The following TMC2 variants were observed in gnomAD, a reference collection of about 807,000 sequenced individuals.
The protein encoded by TMC2 is transmembrane channel like 2, also known as transmembrane channel-like protein 2.
A neutral mutation model predicts 105.9 loss-of-function variants in TMC2; 102 were observed. The ratio of observed to expected loss-of-function variants is 0.96; its 90% CI spans 0.82 to 1.14. The LOEUF (loss-of-function observed/expected upper bound fraction) is 1.14, where lower values mean the gene tolerates loss of function less well. Ranked by LOEUF, TMC2 falls within the 50% of genes most tolerant of loss-of-function variation. The pLI is 0.00. For synonymous variants in TMC2, 402 were observed against 422.8 expected, an observed-to-expected ratio of 0.95 and a Z score of 0.60; for missense variants, 1,093 against 1,134.3, an observed-to-expected ratio of 0.96 and a Z score of 0.52.
chr20:2,619,503 C>T (rs2086509316), intron 16 of TMC2, among the ~76,000 whole-genome samples: 1 of 152,178 alleles, frequency 6.6e-6, no homozygotes, highest in Non-Finnish European at 1.5e-5. Flanking sequence ...TAAAGTCACT[C>T]ATGTCCCGCA....
intron 7 of TMC2, among the ~76,000 whole-genome samples, chr20:2,581,872 T>C (rs6115038): frequency 0.18 from 26,993 of 152,192 alleles, 2,733 homozygotes; most frequent in African/African-American, 0.28. Flanking sequence ...ACTTAGTGAT[T>C]GGTGCATTCC....
At chr20:2,598,009 G>A (rs1304011353) in intron 10 of TMC2, among the ~76,000 whole-genome samples, 3 of 152,102 alleles carry the variant, frequency 2.0e-5, no homozygotes, top group East Asian at 3.9e-4. Flanking sequence ...CTGGAGTAGG[G>A]TCCTGACATT....
chr20:2,593,656 T>C (rs1300431164), intron 8 of TMC2, among the ~76,000 whole-genome samples: 1 of 152,204 alleles, frequency 6.6e-6, no homozygotes, highest in Non-Finnish European at 1.5e-5. Context: ...ACCTTCACTT[T>C]GAATAACGTC....
intron 4 of TMC2, 68 bp downstream of exon 4, chr20:2,562,078 C>A (rs1292629057): frequency 6.5e-7 from 1 of 1,531,798 alleles, no homozygotes; most frequent in Non-Finnish European, 8.8e-7. Flanking sequence ...AATGGGAGCC[C>A]TCCCTCCACA....
chr20:2,610,756 C>A (rs898491266), intron 12 of TMC2, among the ~76,000 whole-genome samples, 158 bp downstream of exon 12: 2 of 151,698 alleles, frequency 1.3e-5, no homozygotes, highest in African/African-American at 2.4e-5. Flanking sequence ...CTCTATGACC[C>A]AAAGATGACC....
Position 2,602,205 on chromosome 20 carries a change from C to T in TMC2, c.1317C>T (p.Cys439=), listed in dbSNP as rs927420788. Residue 439 remains cysteine (C), a synonymous_variant, in exon 11 of 20, where the codon TGC becomes TGT. Coordinates refer to ENST00000358864, the MANE Select transcript of TMC2 (RefSeq NM_080751.3). ...TCCTGGCCAACTTTCTCATCATCTGCTGTTTGTGTGGAAGTGGGTACCTCA... is the reference window on the plus strand; with the variant it reads ...TCCTGGCCAACTTTCTCATCATCTGTTGTTTGTGTGGAAGTGGGTACCTCA... The part of the protein sequence containing the change: ...LRVLANFLII[C]CLCGSGYLIY... The T allele has an allele frequency of 3.1e-6, 5 of 1,613,438 alleles. No homozygotes were observed. The highest frequency in any genetic ancestry group is 2.7e-5 in the African/African-American group (2 of 74,882).
At chr20:2,587,845 A>G (rs979263205) in intron 7 of TMC2, among the ~76,000 whole-genome samples, 7 of 152,212 alleles carry the variant, frequency 4.6e-5, no homozygotes, top group East Asian at 3.8e-4. Context: ...GATCTCTTGA[A>G]TTTATACTTC....
intron 4 of TMC2, among the ~76,000 whole-genome samples, chr20:2,571,003 G>A (rs1382815692): frequency 6.6e-6 from 1 of 152,176 alleles, no homozygotes; most frequent in Non-Finnish European, 1.5e-5. Context: ...ATCAGCACAA[G>A]ATGGATTAAA....
At chr20:2,538,902 C>T (rs1328418417) in intron 2 of TMC2, among the ~76,000 whole-genome samples, 2 of 152,162 alleles carry the variant, frequency 1.3e-5, no homozygotes, top group Non-Finnish European at 2.9e-5. Context: ...CTCATCCTTC[C>T]CTTTATACTC....
At chr20:2,599,295 TA>T (rs11473820) in intron 10 of TMC2, among the ~76,000 whole-genome samples, 6,478 of 126,780 alleles carry the variant, frequency 0.051, 241 homozygotes, top group African/African-American at 0.11. Flanking sequence ...GGGATAATGT[TA>T]AAAAAAAAAA....
chr20:2,593,107 C>T (rs144160195), intron 8 of TMC2, among the ~76,000 whole-genome samples: 1,637 of 152,232 alleles, frequency 0.011, 45 homozygotes, highest in African/African-American at 0.037. Context: ...AAGAAACTTG[C>T]AATCACAGTG....
rs35949406 is a variant in TMC2, at chr20:2,616,092, CT to C, written c.1873-35del. 0.084 allele frequency: 119,209 copies of C among 1,426,022 alleles called. 5,498 individuals are homozygous for C. The highest frequency in any genetic ancestry group is 0.31 in the East Asian group (12,802 of 41,756). 88.3% of individuals were successfully genotyped at this position (1,426,022 alleles called of 1,614,324 possible). A position where few individuals can be genotyped will look rare whatever the true frequency, so the allele number is the denominator to read the frequency against. The stretch of plus-strand genomic sequence containing the variant: ...GGTTTGGCTGAATTCACCAAACGTG[CT>C]TTTTTTTTTCTCTCTCTCTCTCGCT... On this transcript the variant is annotated intron_variant, in intron 14 of 19. Transcript: ENST00000358864. The surrounding 1 kb of genome is among the most constrained non-coding windows in gnomAD (Gnocchi z 4.8).
intron 11 of TMC2, among the ~76,000 whole-genome samples, chr20:2,604,552 C>T (rs1335022758): frequency 6.6e-6 from 1 of 152,062 alleles, no homozygotes; most frequent in African/African-American, 2.4e-5. Flanking sequence ...CCCCTAAAAC[C>T]CTTGGAATCT....
intron 5 of TMC2, among the ~76,000 whole-genome samples, chr20:2,576,331 A>G (rs1032700241): frequency 6.6e-6 from 1 of 152,122 alleles, no homozygotes; most frequent in African/African-American, 2.4e-5. Context: ...CTGTCAACCA[A>G]TGAAGGATAA....
chr20:2,631,820 T>A (rs2086605646), intron 17 of TMC2, among the ~76,000 whole-genome samples: 1 of 152,026 alleles, frequency 6.6e-6, no homozygotes, highest in African/African-American at 2.4e-5. Flanking sequence ...TATTTGGGGA[T>A]GAAATCTGAT....
intron 9 of TMC2, 109 bp from the exon 10 acceptor site, chr20:2,597,042 G>A: frequency 1.6e-6 from 2 of 1,227,746 alleles, no homozygotes; most frequent in Non-Finnish European, 2.3e-6. Flanking sequence ...CTGAATGTCA[G>A]CTACCTGTTT....
At chr20:2,562,308 C>G (rs112197362) in intron 4 of TMC2, among the ~76,000 whole-genome samples, 2 of 152,208 alleles carry the variant, frequency 1.3e-5, no homozygotes, top group Admixed American at 6.5e-5. Context: ...TCTGTGCCTC[C>G]CTCACAGCCC....
chr20:2,614,410 A>G (rs1194059700), intron 14 of TMC2, among the ~76,000 whole-genome samples: 2 of 152,142 alleles, frequency 1.3e-5, no homozygotes, highest in Non-Finnish European at 2.9e-5. Context: ...GTTCAAGATC[A>G]GCCTGGGCAA....
intron 10 of TMC2, among the ~76,000 whole-genome samples, chr20:2,601,390 C>T (rs1258619948): frequency 1.3e-5 from 2 of 152,212 alleles, no homozygotes; most frequent in African/African-American, 4.8e-5. Flanking sequence ...TTTGCCAACC[C>T]TCGATTAGAA....
Sources: allele counts gnomAD v4.1 joint callset (sites outside exome capture counted in the v4.1 genomes callset), GRCh38; gene constraint gnomAD v4.1.1; non-coding constraint Gnocchi (gnomAD v3.1); transcripts MANE v1.5; gene names NCBI Gene and HGNC (gene_info 2026-07-23, HGNC 2026-07-21).